The following ATAD2B variants were observed in gnomAD, a reference collection of about 807,000 sequenced individuals.
The protein encoded by ATAD2B is ATPase family AAA domain containing 2B.
Under a neutral mutation model 167.6 loss-of-function variants are expected in ATAD2B, and 40 were observed. The ratio of observed to expected loss-of-function variants is 0.24; its 90% confidence interval spans 0.19 to 0.31. The LOEUF (loss-of-function observed/expected upper bound fraction) is 0.31, where lower values mean the gene tolerates loss of function less well. ATAD2B is among the 10% of genes least tolerant of loss of function. ATAD2B has a pLI of 1.00. For synonymous variants in ATAD2B, 579 were observed against 596.5 expected (o/e 0.97, Z 0.43); for missense variants, 1,242 against 1,757.2 (o/e 0.71, Z 5.24).
Position 23,757,853 on chromosome 2 carries a change from A to G in ATAD2B, c.3643T>C (p.Leu1215=), listed in dbSNP as rs188190528. ...TTGTTAAGCCTCTGCCCCTGGTCCA[A>G]GTCCATGATGTCACAGGATGATTCA... The part of the protein sequence containing the change: ...NDESSCDIMD[L]DQGQRLNNGA... The change falls in exon 25 of 28, where the codon TTG becomes CTG. Residue 1215 remains leucine, a synonymous_variant. Coordinates refer to ENST00000238789, the MANE Select transcript of ATAD2B (RefSeq NM_017552.4). 882 of 1,586,354 alleles carry G rather than the reference A, an allele frequency of 5.6e-4. 4 individuals are homozygous for G. Among genetic ancestry groups the G allele is most frequent in the Non-Finnish European group, 1.0e-4 (119 of 1,171,162 alleles).
intron 18 of ATAD2B, among the ~76,000 whole-genome samples, chr2:23,805,119 GACA>G (rs1403487646): frequency 6.8e-6 from 1 of 147,132 alleles, no homozygotes; most frequent in African/African-American, 2.5e-5. Context: ...CTCCAGCCTG[GACA>G]ACAAGAGCAA....
At position 23,927,079 on chromosome 2, in the gene ATAD2B, C is replaced by G. The variant is rs888509024; in HGVS notation, c.-309G>C. 9.1e-5 allele frequency: 29 copies of G among 319,218 alleles called. No homozygotes were observed. In the Middle Eastern group the frequency reaches 2.5e-3, roughly 28 times the overall value. The allele number at this position is 319,218 out of a possible 1,614,324, so 19.8% of individuals were successfully genotyped here. On this transcript the variant is annotated 5_prime_UTR_variant, in exon 1 of 28. Coordinates refer to ENST00000238789, the MANE Select transcript of ATAD2B (RefSeq NM_017552.4). ...TACCCCTTTCTCTCCCGTTCTCGCT[C>G]TCGAGCTCCGTGCGTCAAGGCTCCA...
At chr2:23,837,703 A>C (rs1690229646) in intron 13 of ATAD2B, among the ~76,000 whole-genome samples, 2 of 152,246 alleles carry the variant, frequency 1.3e-5, no homozygotes, top group African/African-American at 2.4e-5. Flanking sequence ...GAAAAAATAC[A>C]GTAGTTTGTT....
chr2:23,685,050 G>C, the ATAD2B span, among the ~76,000 whole-genome samples: 58 of 152,282 alleles, frequency 3.8e-4, 1 homozygote, highest in East Asian at 5.8e-3. Flanking sequence ...AGCCCAAGTA[G>C]GGGAGAAGAG....
At chr2:23,716,553 T>C in the ATAD2B span, among the ~76,000 whole-genome samples, 1 of 152,198 alleles carries the variant, frequency 6.6e-6, no homozygotes, top group Admixed American at 6.5e-5. Flanking sequence ...GCATTTGCTC[T>C]TTAGTTTCAT....
At chr2:23,914,540 G>C (rs748037720) in intron 1 of ATAD2B, among the ~76,000 whole-genome samples, 28 of 152,004 alleles carry the variant, frequency 1.8e-4, no homozygotes, top group Non-Finnish European at 8.8e-5. Flanking sequence ...GCAGGGAAGT[G>C]GAGATACAAG....
At chr2:23,866,598 G>C (rs1258546141) in intron 10 of ATAD2B, among the ~76,000 whole-genome samples, 1 of 152,080 alleles carries the variant, frequency 6.6e-6, no homozygotes, top group Non-Finnish European at 1.5e-5. Context: ...AATAAGCAAA[G>C]ATCATTAGGT....
chr2:23,774,936 TA>T (rs1678852974), intron 22 of ATAD2B, among the ~76,000 whole-genome samples: 1 of 149,978 alleles, frequency 6.7e-6, no homozygotes, highest in South Asian at 2.1e-4. Context: ...AATAGAATAA[TA>T]AATAAAATTT....
Position 23,848,858 on chromosome 2 carries a change from G to C in ATAD2B, c.1568+8557C>G, listed in dbSNP as rs915767040. The stretch of plus-strand genomic sequence containing the variant: ...TTTTGAAGGAAATGGTATTTTCATT[G>C]TCTTGACTGTAGTTATGGCTTCACA... On this transcript the variant is annotated intron_variant, in intron 13 of 27. Transcript: ENST00000238789. 2.0e-5 allele frequency among the ~76,000 whole-genome samples: 3 copies of C among 152,176 alleles called. No individual in the cohort carries two copies. The East Asian group carries it at 5.8e-4, about 29-fold the overall frequency.
intron 23 of ATAD2B, among the ~76,000 whole-genome samples, chr2:23,762,693 T>A (rs944235363): frequency 6.6e-6 from 1 of 152,232 alleles, no homozygotes; most frequent in Admixed American, 6.5e-5. Context: ...CATCTTAGAA[T>A]GTACAACAGT....
intron 1 of ATAD2B, among the ~76,000 whole-genome samples, chr2:23,922,031 C>A (rs991496923): frequency 7.9e-5 from 12 of 151,902 alleles, no homozygotes; most frequent in Non-Finnish European, 1.0e-4. Flanking sequence ...AAAGAAGGAC[C>A]TAGGGATTTT....
chr2:23,922,865 T>C lies in ATAD2B; in HGVS notation c.216+3690A>G, dbSNP rs532506461. Among the ~76,000 whole-genome samples the C allele has an allele frequency of 3.8e-4, 57 of 151,956 alleles. No individual in the cohort carries two copies. The South Asian group carries it at 0.011, about 30-fold the overall frequency. On this transcript the variant is annotated intron_variant, in intron 1 of 27. Transcript: ENST00000238789. ...TCAAAAAGACAAGAGACAACAAATA[T>C]TGGGGAGATGTAGAAAAAAGGGAAT...
downstream of ATAD2B, among the ~76,000 whole-genome samples, chr2:23,747,135 A>G (rs902972679): frequency 1.3e-5 from 2 of 152,102 alleles, no homozygotes; most frequent in African/African-American, 2.4e-5. Flanking sequence ...TGAATCCTGC[A>G]CTGCTTCAAA....
chr2:23,756,928 A>G (rs988931618), intron 25 of ATAD2B, among the ~76,000 whole-genome samples: 6 of 152,206 alleles, frequency 3.9e-5, no homozygotes, highest in African/African-American at 1.2e-4. Flanking sequence ...TGGAGAGTGT[A>G]AATAATGAGC....
At chr2:23,836,206 T>G (rs1047529770) in intron 13 of ATAD2B, among the ~76,000 whole-genome samples, 3 of 152,200 alleles carry the variant, frequency 2.0e-5, no homozygotes, top group African/African-American at 7.2e-5. Context: ...CAGTCTGGCA[T>G]GCCGGCTGCT....
At chr2:23,833,865 C>A (rs148032719) in intron 14 of ATAD2B, 54 bp downstream of exon 14, 5 of 1,359,466 alleles carry the variant, frequency 3.7e-6, no homozygotes, top group Admixed American at 2.3e-5. Flanking sequence ...AGAACATATG[C>A]CTTATAGTAG....
At chr2:23,710,593 TA>T in the ATAD2B span, among the ~76,000 whole-genome samples, 1 of 152,148 alleles carries the variant, frequency 6.6e-6, no homozygotes, top group Non-Finnish European at 1.5e-5. Context: ...GAGGAAATCA[TA>T]AAACTATGAG....
chr2:23,735,977 G>T, the ATAD2B span, among the ~76,000 whole-genome samples: 1 of 152,164 alleles, frequency 6.6e-6, no homozygotes, highest in Non-Finnish European at 1.5e-5. Flanking sequence ...GGAGGGCAAA[G>T]GTAGGAGAGA....
intron 22 of ATAD2B, among the ~76,000 whole-genome samples, chr2:23,767,217 C>T (rs1361643515): frequency 6.6e-6 from 1 of 151,986 alleles, no homozygotes; most frequent in Non-Finnish European, 1.5e-5. Context: ...TTCCTATTAC[C>T]TGCTCTGTCA....
Sources: allele counts gnomAD v4.1 joint callset (sites outside exome capture counted in the v4.1 genomes callset), GRCh38; gene constraint gnomAD v4.1.1; transcripts MANE v1.5; gene names NCBI Gene and HGNC (gene_info 2026-07-23, HGNC 2026-07-21).